SAMD12: variants seen among roughly 807,000 people sequenced by gnomAD.
The protein encoded by SAMD12 is sterile alpha motif domain containing 12, also known as sterile alpha motif domain-containing protein 12.
A neutral mutation model predicts 15.0 loss-of-function variants in SAMD12; 9 were observed. The ratio of observed to expected loss-of-function variants is 0.60; its 90% confidence interval spans 0.36 to 1.05. The LOEUF (loss-of-function observed/expected upper bound fraction) is 1.05, where lower values mean the gene tolerates loss of function less well. SAMD12 is among the 50% of genes least tolerant of loss of function. SAMD12 has a pLI of 0.01. For synonymous variants in SAMD12, 86 were observed against 90.1 expected, an observed-to-expected ratio of 0.96 and a Z score of 0.25; for missense variants, 230 against 234.2, an observed-to-expected ratio of 0.98 and a Z score of 0.12.
intron 3 of SAMD12, among the ~76,000 whole-genome samples, chr8:118,418,150 C>T (rs17682473): frequency 0.11 from 16,637 of 152,168 alleles, 1,003 homozygotes; most frequent in Middle Eastern, 0.15. Context: ...TCCAAATAAA[C>T]GAATGCATAC....
intron 4 of SAMD12, among the ~76,000 whole-genome samples, chr8:118,342,245 T>A (rs1372580673): frequency 1.2e-5 from 1 of 81,696 alleles, no homozygotes; most frequent in Non-Finnish European, 2.3e-5. Flanking sequence ...TGAGTCGAGA[T>A]CATGCCACAC....
intron 4 of SAMD12, among the ~76,000 whole-genome samples, chr8:118,339,890 T>A (rs981880717): frequency 2.0e-5 from 3 of 152,208 alleles, no homozygotes; most frequent in African/African-American, 7.2e-5. Context: ...CAAGCACAGA[T>A]GAAATGGTGT....
At chr8:118,258,652 G>A (rs935075500) in intron 4 of SAMD12, among the ~76,000 whole-genome samples, 1 of 152,042 alleles carries the variant, frequency 6.6e-6, no homozygotes, top group Non-Finnish European at 1.5e-5. Flanking sequence ...GAGTAAAAAG[G>A]GTGGTGGCAA....
rs562551025 is a variant in SAMD12 at position 118,431,524 on chromosome 8, T to C, written c.322+8308A>G. On this transcript the variant is annotated intron_variant, in intron 3 of 3. Coordinates refer to ENST00000314727, the MANE Select transcript of SAMD12 (RefSeq NM_207506.3). ...TTTTATTGGATATAGAATTGGTCAT[T>C]TTTTTTTTGTTTCAACCCTTTAAAG... Among the ~76,000 whole-genome samples, 141 of 150,674 alleles carry C rather than the reference T, an allele frequency of 9.4e-4. 1 individual carries two copies. The highest frequency in any genetic ancestry group is 3.3e-3 in the African/African-American group (135 of 41,148).
chr8:118,492,430 T>G (rs1824468328), intron 2 of SAMD12, among the ~76,000 whole-genome samples: 1 of 152,170 alleles, frequency 6.6e-6, no homozygotes, highest in African/African-American at 2.4e-5. Context: ...GTGTTTAACA[T>G]AAGAACTTAA....
intron 3 of SAMD12, among the ~76,000 whole-genome samples, chr8:118,402,502 C>T (rs897878333): frequency 6.6e-6 from 1 of 152,196 alleles, no homozygotes; most frequent in African/African-American, 2.4e-5. Flanking sequence ...AGGACTGAGG[C>T]TTATAAGGGG....
intron 4 of SAMD12, among the ~76,000 whole-genome samples, chr8:118,336,077 C>G (rs940522262): frequency 2.0e-5 from 3 of 152,134 alleles, no homozygotes; most frequent in Non-Finnish European, 2.9e-5. Context: ...GATGTTACTT[C>G]CATGCTACAA....
At chr8:118,523,567 C>T (rs768970858) in intron 2 of SAMD12, among the ~76,000 whole-genome samples, 6 of 152,152 alleles carry the variant, frequency 3.9e-5, no homozygotes, top group Non-Finnish European at 7.4e-5. Flanking sequence ...TAGACATCTA[C>T]ACCTGACAAA....
chr8:118,439,756 G>A (rs543332702), intron 3 of SAMD12, 76 bp downstream of exon 3: 1 of 1,415,950 alleles, frequency 7.1e-7, no homozygotes, highest in East Asian at 2.3e-5. Context: ...GTTGTTTCAT[G>A]GTAAGGGTAT....
At chr8:118,228,172 TAA>T (rs1024966057) in intron 4 of SAMD12, among the ~76,000 whole-genome samples, 6 of 152,114 alleles carry the variant, frequency 3.9e-5, no homozygotes, top group African/African-American at 1.4e-4. Context: ...GACCTGAAGC[TAA>T]AAATTCTAGA....
chr8:118,166,788 ACCCAAATTTC>A, the SAMD12 span, among the ~76,000 whole-genome samples: 2 of 152,148 alleles, frequency 1.3e-5, no homozygotes, highest in Admixed American at 1.3e-4. Flanking sequence ...ACAATGGTAA[ACCCAAATTTC>A]CCTGGCTTTT....
intron 2 of SAMD12, among the ~76,000 whole-genome samples, chr8:118,570,443 A>T (rs1826975957): frequency 6.6e-6 from 1 of 152,030 alleles, no homozygotes; most frequent in Non-Finnish European, 1.5e-5. Flanking sequence ...TCCCACTTAT[A>T]AGTGAGAACA....
At chr8:118,134,813 T>A in the SAMD12 span, among the ~76,000 whole-genome samples, 1 of 152,180 alleles carries the variant, frequency 6.6e-6, no homozygotes, top group East Asian at 1.9e-4. Flanking sequence ...ATACTCGCCT[T>A]CATACCAGCC....
At chr8:118,389,340 G>T (rs905544249) in intron 3 of SAMD12, among the ~76,000 whole-genome samples, 1 of 152,174 alleles carries the variant, frequency 6.6e-6, no homozygotes, top group Non-Finnish European at 1.5e-5. Context: ...AGATGCTTTT[G>T]TCAGGATAAC....
intron 4 of SAMD12, among the ~76,000 whole-genome samples, chr8:118,335,751 T>C (rs1817024840): frequency 6.6e-6 from 1 of 152,304 alleles, no homozygotes; most frequent in South Asian, 2.1e-4. Flanking sequence ...TGGCAGGTAC[T>C]GCACTTGTAT....
chr8:118,317,328 G>A (rs1815969428), intron 4 of SAMD12, among the ~76,000 whole-genome samples: 1 of 152,112 alleles, frequency 6.6e-6, no homozygotes, highest in South Asian at 2.1e-4. Flanking sequence ...GCATAAATAT[G>A]TTCACCCAAA....
chr8:118,423,738 T>C (rs1178357862), intron 3 of SAMD12, among the ~76,000 whole-genome samples: 1 of 152,192 alleles, frequency 6.6e-6, no homozygotes, highest in Non-Finnish European at 1.5e-5. Flanking sequence ...TTGTATAACA[T>C]GTGAAAAGCT....
intron 4 of SAMD12, among the ~76,000 whole-genome samples, chr8:118,198,894 TA>T (rs61305145): frequency 1.6e-4 from 24 of 151,638 alleles, no homozygotes; most frequent in African/African-American, 5.1e-4. Context: ...GGAAATAATC[TA>T]AAAAAAAGAA....
chr8:118,400,470 A>C lies in SAMD12; in HGVS notation c.323-20770T>G, dbSNP rs551195745. The C allele has an allele frequency of 1.8e-3, 265 of 146,364 alleles. 2 individuals are homozygous for C. The highest frequency in any genetic ancestry group is 7.2e-3 in the African/African-American group (260 of 36,084). The allele number at this position is 146,364 out of a possible 1,614,324, so 9.1% of individuals were successfully genotyped here. A position where few individuals can be genotyped will look rare whatever the true frequency, so the allele number is the denominator to read the frequency against. The stretch of plus-strand genomic sequence containing the variant: ...TTGGACAAGAGAGTAACAAAAACAG[A>C]GTAATTCACTGATCTCTCATTTTGT... On this transcript the variant is annotated intron_variant, in intron 3 of 3. Transcript: ENST00000314727.
Sources: allele counts gnomAD v4.1 joint callset (sites outside exome capture counted in the v4.1 genomes callset), GRCh38; gene constraint gnomAD v4.1.1; transcripts MANE v1.5; gene names NCBI Gene and HGNC (gene_info 2026-07-23, HGNC 2026-07-21).